Variants in HELLS observed in about 807,000 individuals in gnomAD.
HELLS encodes the protein helicase, lymphoid specific.
Under a neutral mutation model 120.0 loss-of-function variants are expected in HELLS, and 32 were observed. The observed-to-expected ratio is 0.27, with a 90% CI of 0.20 to 0.36. HELLS has a LOEUF of 0.36. Among genes scored for constraint, HELLS ranks in the 10% least tolerant of loss-of-function variants. The pLI, the probability that HELLS is intolerant of heterozygous loss-of-function variation, is 1.00. For synonymous variants in HELLS, 341 were observed against 323.4 expected (o/e 1.05, Z -0.58); for missense variants, 650 against 993.4 (o/e 0.65, Z 4.65).
intron 21 of HELLS, among the ~76,000 whole-genome samples, chr10:94,598,875 T>C (rs562280508): frequency 6.6e-6 from 1 of 152,308 alleles, no homozygotes; most frequent in African/African-American, 2.4e-5. Context: ...TTTCAATGAA[T>C]TTTCATCTTT....
chr10:94,589,974 ACCGTACCCGGC>A (rs1845395245), intron 13 of HELLS, among the ~76,000 whole-genome samples: 2 of 152,144 alleles, frequency 1.3e-5, no homozygotes, highest in Non-Finnish European at 1.5e-5. Context: ...GGCGTGAGCC[ACCGTACCCGGC>A]CTCTTCTCCC....
chr10:94,550,647 T>C (rs891484819), intron 2 of HELLS, among the ~76,000 whole-genome samples: 1 of 151,996 alleles, frequency 6.6e-6, no homozygotes, highest in African/African-American at 2.4e-5. Context: ...CCCAGCACTT[T>C]GGGAGGCTGA....
exon 10 of HELLS, chr10:94,611,865 C>T (rs939392688): frequency 1.1e-4 from 17 of 152,158 alleles, no homozygotes; most frequent in Non-Finnish European, 2.5e-4. Context: ...AGTTGCTGCT[C>T]TGATGTCCCA....
chr10:94,549,700 A>C lies in HELLS; in HGVS notation c.153+3202A>C, dbSNP rs1842893285. Among the ~76,000 whole-genome samples the C allele has an allele frequency of 2.0e-5, 3 of 152,206 alleles. No homozygotes were observed. The South Asian group carries it at 6.2e-4, about 31-fold the overall frequency. The stretch of plus-strand genomic sequence containing the variant: ...GGCATACTCTGTACTGTAGTTACCC[A>C]GAGTTGTTTCCTGCCAGGCACTCAG... On this transcript the variant is annotated intron_variant, in intron 2 of 21. Coordinates refer to ENST00000348459, the MANE Select transcript of HELLS (RefSeq NM_018063.5).
At position 94,574,698 on chromosome 10, in the gene HELLS, C is replaced by A. The variant is rs1403224288; in HGVS notation, c.850C>A (p.Pro284Thr). 6.2e-7 allele frequency: 1 copy of A among 1,613,622 alleles called. No individual in the cohort carries two copies. The highest frequency in any genetic ancestry group is 8.5e-7 in the Non-Finnish European group (1 of 1,179,752). The change falls in exon 9 of 22, where the codon CCT (proline) becomes ACT (threonine). Residue 284 changes from proline (P) to threonine (T), a missense_variant. This residue lies in a region of HELLS where 61 missense variants were observed against 86.5 expected (regional missense o/e 0.71). Transcript: ENST00000348459. Reference sequence around the variant, plus strand: ...TGTCTGTGGCCCTTTGTCTACACTTCCTAACTGGATGGCTGAATTCAAAAG... The same window carrying A: ...TGTCTGTGGCCCTTTGTCTACACTTACTAACTGGATGGCTGAATTCAAAAG... ...FLVCGPLSTLPNWMAEFKRFT... is the reference protein window; with the variant it reads ...FLVCGPLSTLTNWMAEFKRFT...
At chr10:94,557,669 C>G (rs904477187) in intron 3 of HELLS, among the ~76,000 whole-genome samples, 1 of 152,184 alleles carries the variant, frequency 6.6e-6, no homozygotes, top group Non-Finnish European at 1.5e-5. Context: ...CAGTACTCAG[C>G]CTGAGAGAGA....
chr10:94,549,681 C>T lies in HELLS; in HGVS notation c.153+3183C>T, dbSNP rs1479886643. Among the ~76,000 whole-genome samples the T allele has an allele frequency of 2.0e-5, 3 of 152,240 alleles. No individual in the cohort carries two copies. The East Asian group carries it at 5.8e-4, about 29-fold the overall frequency. ...TCTGCCCTCGGTGTCCATTGGCATACTCTGTACTGTAGTTACCCAGAGTTG... is the reference window on the plus strand; with the variant it reads ...TCTGCCCTCGGTGTCCATTGGCATATTCTGTACTGTAGTTACCCAGAGTTG... On this transcript the variant is annotated intron_variant, in intron 2 of 21. Transcript: ENST00000348459.
At chr10:94,595,751 G>C (rs1845708467) in intron 19 of HELLS, among the ~76,000 whole-genome samples, 1 of 152,260 alleles carries the variant, frequency 6.6e-6, no homozygotes, top group South Asian at 2.1e-4. Context: ...TAAATGGCTT[G>C]ATAGCTACCT....
chr10:94,604,624 C>G (rs1338013061), downstream of HELLS, among the ~76,000 whole-genome samples: 1 of 152,148 alleles, frequency 6.6e-6, no homozygotes, highest in East Asian at 1.9e-4. Flanking sequence ...ATTCCTACCA[C>G]CTCTCACCAC....
At chr10:94,547,210 G>A (rs1296583770) in intron 2 of HELLS, among the ~76,000 whole-genome samples, 1 of 152,108 alleles carries the variant, frequency 6.6e-6, no homozygotes, top group South Asian at 2.1e-4. Context: ...AAGAATGATC[G>A]TTGACTCTTA....
chr10:94,580,589 G>A (rs1008826499), intron 10 of HELLS, among the ~76,000 whole-genome samples: 1 of 151,960 alleles, frequency 6.6e-6, no homozygotes, highest in Non-Finnish European at 1.5e-5. Context: ...TCCTTTCTTG[G>A]TTATTTTAAT....
At chr10:94,610,183 A>T (rs1240739077) in exon 10 of HELLS, 3 of 152,162 alleles carry the variant, frequency 2.0e-5, no homozygotes, top group East Asian at 1.9e-4. Context: ...CATGAGATTG[A>T]GCATCTTGTT....
chr10:94,574,376 C>T (rs1844331396), intron 8 of HELLS, 178 bp from the exon 9 acceptor site: 2 of 692,636 alleles, frequency 2.9e-6, no homozygotes, highest in Non-Finnish European at 4.8e-6. Context: ...TGGCTTCCAG[C>T]ACTTTTATGG....
At chr10:94,605,620 G>C (rs76690432), downstream of HELLS, among the ~76,000 whole-genome samples, 4,237 of 149,318 alleles carry the variant, frequency 0.028, 93 homozygotes, top group South Asian at 0.045. Flanking sequence ...TTCCAGTGTT[G>C]TGGGAGAGAA....
intron 12 of HELLS, 29 bp from the exon 13 acceptor site, chr10:94,588,200 A>G (rs371582246): frequency 6.4e-6 from 9 of 1,396,744 alleles, no homozygotes; most frequent in African/African-American, 1.4e-5. Context: ...TTTAATACTC[A>G]TATTTTTCTG....
At chr10:94,553,398 G>A (rs542300623) in intron 2 of HELLS, among the ~76,000 whole-genome samples, 45 of 149,130 alleles carry the variant, frequency 3.0e-4, no homozygotes, top group Non-Finnish European at 6.2e-4. Flanking sequence ...ACAGGCATGC[G>A]CCACCACGTC....
intron 9 of HELLS, 96 bp from the exon 10 acceptor site, chr10:94,576,566 T>C (rs1415232327): frequency 8.5e-5 from 55 of 644,174 alleles, no homozygotes; most frequent in Non-Finnish European, 7.1e-6. Flanking sequence ...TTTTTTAAAA[T>C]TATATTTTTT....
chr10:94,565,720 T>C (rs1467504925), intron 6 of HELLS, among the ~76,000 whole-genome samples: 1 of 152,140 alleles, frequency 6.6e-6, no homozygotes, highest in East Asian at 1.9e-4. Flanking sequence ...TAATATGCCA[T>C]ACTGAAGTTT....
chr10:94,555,357 A>T (rs1209129408), intron 3 of HELLS, among the ~76,000 whole-genome samples: 1 of 152,086 alleles, frequency 6.6e-6, no homozygotes, highest in Non-Finnish European at 1.5e-5. Flanking sequence ...GGATCGCTTG[A>T]ACCCAGGAGG....
Sources: gnomAD v4.1 joint callset for allele counts (sites outside exome capture counted in the v4.1 genomes callset) on GRCh38, gnomAD v4.1.1 for gene constraint, gnomAD v4.1.1 regional missense constraint, MANE v1.5 for transcripts, NCBI Gene and HGNC (gene_info 2026-07-23, HGNC 2026-07-21) for gene names.